The following COL13A1 variants were observed in gnomAD, a reference collection of about 807,000 sequenced individuals.
COL13A1 encodes the protein collagen alpha-1(XIII) chain.
A neutral mutation model predicts 130.9 loss-of-function variants in COL13A1; 89 were observed. That is an observed-to-expected ratio of 0.68 (90% confidence interval 0.57 to 0.81). The LOEUF (loss-of-function observed/expected upper bound fraction) is 0.81. COL13A1 is among the 30% of genes least tolerant of loss of function. COL13A1 has a pLI of 0.00. For synonymous variants in COL13A1, 402 were observed against 341.6 expected (o/e 1.18, Z -1.95); for missense variants, 879 against 934.6 (o/e 0.94, Z 0.78).
intron 13 of COL13A1, among the ~76,000 whole-genome samples, chr10:69,897,025 G>A (rs139135492): frequency 4.6e-5 from 7 of 152,310 alleles, no homozygotes; most frequent in Non-Finnish European, 1.0e-4. Flanking sequence ...TAAGTGCTTG[G>A]GGTGGGGTGG....
chr10:69,861,448 A>G (rs142375570), intron 2 of COL13A1, among the ~76,000 whole-genome samples: 1 of 152,232 alleles, frequency 6.6e-6, no homozygotes, highest in Non-Finnish European at 1.5e-5. Context: ...CTCTCTGCCA[A>G]CCTTAACAGC....
At chr10:69,881,262 A>C (rs1221225898) in intron 7 of COL13A1, among the ~76,000 whole-genome samples, 1 of 152,186 alleles carries the variant, frequency 6.6e-6, no homozygotes, top group African/African-American at 2.4e-5. Context: ...GGTCTAACAC[A>C]GCCCTCTCAG....
chr10:69,949,836 A>C (rs1021053679), intron 38 of COL13A1, among the ~76,000 whole-genome samples: 1 of 151,810 alleles, frequency 6.6e-6, no homozygotes, highest in Non-Finnish European at 1.5e-5. Flanking sequence ...GCTGCCTGCA[A>C]ACCAGCCAGC....
chr10:69,879,747 T>C lies in COL13A1; in HGVS notation c.463-756T>C, dbSNP rs148591671. ...ACTTAGGGACACACACACGCACACA[T>C]GGCACTTGTCTAGCTAGCTCAGCCA... is the stretch of plus-strand genomic sequence containing the variant. On this transcript the variant is annotated intron_variant, in intron 6 of 40. Transcript: ENST00000645393. Among the ~76,000 whole-genome samples, 637 of 152,204 alleles carry C rather than the reference T, an allele frequency of 4.2e-3. 9 individuals carry two copies. The highest frequency in any genetic ancestry group is 4.0e-3 in the Admixed American group (61 of 15,292).
At chr10:69,880,840 C>T (rs2060064630) in intron 7 of COL13A1, among the ~76,000 whole-genome samples, 1 of 152,236 alleles carries the variant, frequency 6.6e-6, no homozygotes, top group Non-Finnish European at 1.5e-5. Context: ...TGTTTACAGA[C>T]AGAAGGGAGA....
At chr10:69,889,314 CAGGGAGGAGCACAGGGG>C in intron 9 of COL13A1, 83 bp from the exon 10 acceptor site, 2 of 853,230 alleles carry the variant, frequency 2.3e-6, no homozygotes, top group Non-Finnish European at 1.5e-6. Flanking sequence ...GCACGGGGGG[CAGGGAGGAGCACAGGGG>C]GCAGGGAGGA....
At chr10:69,879,852 C>A (rs1472474889) in intron 6 of COL13A1, among the ~76,000 whole-genome samples, 2 of 152,220 alleles carry the variant, frequency 1.3e-5, no homozygotes, top group African/African-American at 4.8e-5. Context: ...GGCCTTCACC[C>A]CTCCATGTCA....
chr10:69,857,176 G>T (rs1856669743), intron 2 of COL13A1, among the ~76,000 whole-genome samples: 1 of 152,178 alleles, frequency 6.6e-6, no homozygotes, highest in South Asian at 2.1e-4. Context: ...TCCTCACTCA[G>T]GACTTACGAT....
At chr10:69,823,508 A>G (rs1394474998) in intron 2 of COL13A1, among the ~76,000 whole-genome samples, 1 of 152,224 alleles carries the variant, frequency 6.6e-6, no homozygotes, top group African/African-American at 2.4e-5. Flanking sequence ...TGGCACTAGC[A>G]GGGTGCTCAC....
chr10:69,865,656 T>G (rs2704527), intron 2 of COL13A1, among the ~76,000 whole-genome samples: 144,895 of 152,312 alleles, frequency 0.95, 69,343 homozygotes, highest in East Asian at 1. Context: ...CAGGTATGGG[T>G]AGTGGCAGCC....
intron 13 of COL13A1, among the ~76,000 whole-genome samples, chr10:69,897,802 G>A (rs2061801808): frequency 6.6e-6 from 1 of 152,236 alleles, no homozygotes; most frequent in African/African-American, 2.4e-5. Flanking sequence ...AAAACAAGCA[G>A]CTGATGACAG....
chr10:69,909,417 A>G (rs2063130408), intron 17 of COL13A1, among the ~76,000 whole-genome samples: 1 of 152,180 alleles, frequency 6.6e-6, no homozygotes, highest in Admixed American at 6.5e-5. Context: ...GAAGGTTCCC[A>G]TTGCTTCCAC....
rs893411070 is a variant in COL13A1 at position 69,952,850 on chromosome 10, G to C, written c.2059-32G>C. ...ACATGAATGATCTTAAAGTTTTGATGTTTTTTTCTCGGACTAAACCATTAT... is the reference window on the plus strand; with the variant it reads ...ACATGAATGATCTTAAAGTTTTGATCTTTTTTTCTCGGACTAAACCATTAT... On this transcript the variant is annotated intron_variant, in intron 38 of 40. Coordinates refer to ENST00000645393, the MANE Select transcript of COL13A1 (RefSeq NM_001368882.1). The C allele has an allele frequency of 2.2e-5, 32 of 1,450,074 alleles. 1 individual carries two copies. The highest frequency in any genetic ancestry group is 3.5e-4 in the Middle Eastern group (2 of 5,746). 89.8% of individuals were successfully genotyped at this position (1,450,074 alleles called of 1,614,324 possible).
At chr10:69,806,792 A>C (rs145859454) in intron 1 of COL13A1, among the ~76,000 whole-genome samples, 26 of 152,316 alleles carry the variant, frequency 1.7e-4, no homozygotes, top group African/African-American at 5.5e-4. Flanking sequence ...GGATCACCTG[A>C]GGTCAGGAAT....
chr10:69,848,688 T>G (rs1853831792), intron 2 of COL13A1, among the ~76,000 whole-genome samples: 1 of 152,346 alleles, frequency 6.6e-6, no homozygotes, highest in Admixed American at 6.5e-5. Context: ...ACTTCTGCTG[T>G]GTCTTTCTGG....
intron 4 of COL13A1, among the ~76,000 whole-genome samples, chr10:69,873,677 C>T (rs1243506839): frequency 6.6e-6 from 1 of 152,332 alleles, no homozygotes; most frequent in Non-Finnish European, 1.5e-5. Flanking sequence ...AGTGAGTGGA[C>T]CGTGGGGCTG....
chr10:69,808,022 A>G (rs2132143980), intron 1 of COL13A1, among the ~76,000 whole-genome samples: 1 of 152,342 alleles, frequency 6.6e-6, no homozygotes, highest in Admixed American at 6.5e-5. Context: ...GTTCAAGACG[A>G]AAAGCTATTT....
At position 69,850,976 on chromosome 10, in the gene COL13A1, C is replaced by T. The variant is rs1854615798; in HGVS notation, c.365-16822C>T. ...ACCCTAGCATCTGAAGGGACAAGTC[C>T]TTCATTCCCTAAAGGGGAATCTGGA... On this transcript the variant is annotated intron_variant, in intron 2 of 40. Coordinates refer to ENST00000645393, the MANE Select transcript of COL13A1 (RefSeq NM_001368882.1). Among the ~76,000 whole-genome samples, 3 of 152,176 alleles carry T rather than the reference C, an allele frequency of 2.0e-5. No homozygotes were observed. The South Asian group carries it at 6.2e-4, about 31-fold the overall frequency.
At chr10:69,894,766 G>A in intron 12 of COL13A1, 65 bp downstream of exon 12, 8 of 1,596,358 alleles carry the variant, frequency 5.0e-6, no homozygotes, top group Non-Finnish European at 6.9e-6. Context: ...TGGTAGAAAG[G>A]GGTCAATTAT....
Sources: gnomAD v4.1 joint callset for allele counts (sites outside exome capture counted in the v4.1 genomes callset) on GRCh38, gnomAD v4.1.1 for gene constraint, MANE v1.5 for transcripts, NCBI Gene and HGNC (gene_info 2026-07-23, HGNC 2026-07-21) for gene names.